The following LONRF2 variants were observed in gnomAD, a reference collection of about 807,000 sequenced individuals.
The protein encoded by LONRF2 is LON peptidase N-terminal domain and RING finger protein 2.
Under a neutral mutation model 66.6 loss-of-function variants are expected in LONRF2, and 35 were observed. The observed-to-expected ratio is 0.53, with a 90% confidence interval of 0.40 to 0.70. The LOEUF (loss-of-function observed/expected upper bound fraction) is 0.70, where lower values mean the gene tolerates loss of function less well. LONRF2 is among the 30% of genes least tolerant of loss of function. The pLI is 0.00. For missense variants in LONRF2, 902 were observed against 1,002.1 expected (o/e 0.90, Z 1.35); for synonymous variants, 417 against 418.1 (o/e 1.00, Z 0.03).
intron 1 of LONRF2, among the ~76,000 whole-genome samples, chr2:100,311,378 A>C (rs548839494): frequency 6.6e-6 from 1 of 152,108 alleles, no homozygotes; most frequent in Non-Finnish European, 1.5e-5. Context: ...TTTGGAAAAA[A>C]AAAATGTGCT....
At chr2:100,313,427 G>A (rs1675446612) in intron 1 of LONRF2, among the ~76,000 whole-genome samples, 1 of 152,142 alleles carries the variant, frequency 6.6e-6, no homozygotes, top group African/African-American at 2.4e-5. Context: ...CCTGGGAGGT[G>A]GAGGTTGCAG....
At position 100,287,074 on chromosome 2, in the gene LONRF2, A is replaced by T; in HGVS notation, c.1921-11T>A. 1.9e-6 allele frequency: 3 copies of T among 1,612,910 alleles called. No individual in the cohort carries two copies. The highest frequency in any genetic ancestry group is 2.5e-6 in the Non-Finnish European group (3 of 1,179,444). ...CTCTGGACCCTCCACCTGATCAGGG[A>T]AAGAGGCACAGCTGTGTGAACCATT... On this transcript the variant is annotated splice_polypyrimidine_tract_variant and intron_variant, in intron 10 of 11. Coordinates refer to ENST00000393437, the MANE Select transcript of LONRF2 (RefSeq NM_198461.4).
chr2:100,309,113 C>A lies in LONRF2; in HGVS notation c.792G>T (p.Leu264Phe), dbSNP rs777040770. The A allele has an allele frequency of 7.6e-6, 12 of 1,574,588 alleles. No homozygotes were observed. Among genetic ancestry groups the A allele is most frequent in the Non-Finnish European group, 1.0e-5 (12 of 1,161,970 alleles). Residue 264 changes from leucine (L) to phenylalanine (F), a missense_variant, in exon 2 of 12, where the codon TTG becomes TTT. Physicochemically the swap from Leu to Phe is conservative, Grantham distance 22 (BLOSUM62 0). Coordinates refer to ENST00000393437, the MANE Select transcript of LONRF2 (RefSeq NM_198461.4). ...AGCTAACAAATACAAATACCTTAAT[C>A]AAGAGAGGTTCATTCTGACAAGCTG... ...ASAACQNEPL[L>F]IKGHQVKAQA...
chr2:100,292,919 T>C lies in LONRF2; in HGVS notation c.1757+1310A>G, dbSNP rs139161568. On this transcript the variant is annotated intron_variant, in intron 9 of 11. Transcript: ENST00000393437. Reference sequence around the variant, plus strand: ...CACTAATTTTCTGGGCACCCTTTACTGAGTAGTTTGTCTTTTCTCATACAA... The same window carrying C: ...CACTAATTTTCTGGGCACCCTTTACCGAGTAGTTTGTCTTTTCTCATACAA... Among the ~76,000 whole-genome samples, 18 of 152,350 alleles carry C rather than the reference T, an allele frequency of 1.2e-4. No individual in the cohort carries two copies. In the East Asian group the frequency reaches 2.7e-3, roughly 23 times the overall value.
chr2:100,295,626 T>A (rs1444737729), intron 7 of LONRF2, 73 bp from the exon 8 acceptor site: 19 of 1,482,454 alleles, frequency 1.3e-5, no homozygotes, highest in Non-Finnish European at 1.7e-5. Flanking sequence ...AGTGGAAAGG[T>A]GAACAAGGAG....
At chr2:100,308,196 T>C (rs1675335336) in intron 2 of LONRF2, among the ~76,000 whole-genome samples, 1 of 148,780 alleles carries the variant, frequency 6.7e-6, no homozygotes, top group Non-Finnish European at 1.5e-5. Context: ...AGTGAAACCC[T>C]GTCTCTACTA....
rs915453776 is a variant in LONRF2 at position 100,275,412 on chromosome 2, G to A, written c.*8886C>T. On this transcript the variant is annotated 3_prime_UTR_variant, in exon 12 of 12. Coordinates refer to ENST00000393437, the MANE Select transcript of LONRF2 (RefSeq NM_198461.4). ...AGTCAGTGGTGGGCTGCTCACCTGAGGGGCCCTCCCCCAGCATCCAGTGAG... is the reference window on the plus strand; with the variant it reads ...AGTCAGTGGTGGGCTGCTCACCTGAAGGGCCCTCCCCCAGCATCCAGTGAG... 36 of 152,392 alleles carry A rather than the reference G, an allele frequency of 2.4e-4. No individual in the cohort carries two copies. Among genetic ancestry groups the A allele is most frequent in the African/African-American group, 8.7e-4 (36 of 41,578 alleles). 9.4% of individuals were successfully genotyped at this position (152,392 alleles called of 1,614,324 possible).
At chr2:100,295,157 CT>C (rs1675038593) in intron 8 of LONRF2, among the ~76,000 whole-genome samples, 1 of 152,010 alleles carries the variant, frequency 6.6e-6, no homozygotes, top group Non-Finnish European at 1.5e-5. Context: ...GCCTTCTTTG[CT>C]TTTTAAATCC....
At chr2:100,292,858 G>A (rs766823838) in intron 9 of LONRF2, among the ~76,000 whole-genome samples, 10 of 152,032 alleles carry the variant, frequency 6.6e-5, no homozygotes, top group Non-Finnish European at 1.2e-4. Flanking sequence ...TATGGCATAA[G>A]GTAAAGCTTT....
intron 1 of LONRF2, among the ~76,000 whole-genome samples, chr2:100,316,754 A>G (rs1442066026): frequency 6.6e-6 from 1 of 152,182 alleles, no homozygotes; most frequent in African/African-American, 2.4e-5. Context: ...TTATTTTGCA[A>G]TCCTTACTTT....
At position 100,272,224 on chromosome 2, in the gene LONRF2, G is replaced by A. The variant is rs940979741; in HGVS notation, c.*12074C>T. Among the ~76,000 whole-genome samples, 2 of 152,212 alleles carry A rather than the reference G, an allele frequency of 1.3e-5. No homozygotes were observed. The highest frequency in any genetic ancestry group is 2.9e-5 in the Non-Finnish European group (2 of 68,044). The stretch of plus-strand genomic sequence containing the variant: ...ATGATCAAAGAGTATGCAGGGTTAG[G>A]TGCAGTGGCTTATGCCTGCAATCTC... On this transcript the variant is annotated 3_prime_UTR_variant, in exon 12 of 12. Coordinates refer to ENST00000393437, the MANE Select transcript of LONRF2 (RefSeq NM_198461.4).
rs1674645946 is a variant in LONRF2, at chr2:100,278,577, A to C, written c.*5721T>G. The C allele has an allele frequency of 6.6e-6, 1 of 152,192 alleles. No individual in the cohort carries two copies. The highest frequency in any genetic ancestry group is 6.5e-5 in the Admixed American group (1 of 15,284). The allele number at this position is 152,192 out of a possible 1,614,324, so 9.4% of individuals were successfully genotyped here. ...GGGGGCTTTCGCTGGTTTATGATCC[A>C]GAGACCCAGACCCTCCAGGTAAGCC... On this transcript the variant is annotated 3_prime_UTR_variant, in exon 12 of 12. Coordinates refer to ENST00000393437, the MANE Select transcript of LONRF2 (RefSeq NM_198461.4).
At position 100,272,706 on chromosome 2, in the gene LONRF2, A is replaced by G. The variant is rs1674525167; in HGVS notation, c.*11592T>C. Among the ~76,000 whole-genome samples the G allele has an allele frequency of 1.3e-5, 2 of 152,174 alleles. No individual in the cohort carries two copies. Among genetic ancestry groups the G allele is most frequent in the Admixed American group, 1.3e-4 (2 of 15,286 alleles). ...CAAATAAATATATGCTTTCATAGTT[A>G]ACTCAGTATTTGCAATTCATATTCC... On this transcript the variant is annotated 3_prime_UTR_variant, in exon 12 of 12. Coordinates refer to ENST00000393437, the MANE Select transcript of LONRF2 (RefSeq NM_198461.4).
intron 8 of LONRF2, among the ~76,000 whole-genome samples, chr2:100,295,036 G>C (rs1015536045): frequency 2.0e-5 from 3 of 150,888 alleles, no homozygotes; most frequent in African/African-American, 7.3e-5. Context: ...TTAATATAGA[G>C]GTGGGGTCTT....
rs1364853772 is a variant in LONRF2 at position 100,287,276 on chromosome 2, C to T, written c.1921-213G>A. On this transcript the variant is annotated intron_variant, in intron 10 of 11. Transcript: ENST00000393437. Reference sequence around the variant, plus strand: ...TGTATCCTGATTTTTCTCTTAATACCATAATATAAGCACATTTCCTGTAAT... The same window carrying T: ...TGTATCCTGATTTTTCTCTTAATACTATAATATAAGCACATTTCCTGTAAT... Among the ~76,000 whole-genome samples, 3 of 152,064 alleles carry T rather than the reference C, an allele frequency of 2.0e-5. 1 individual carries two copies. Among genetic ancestry groups the T allele is most frequent in the Non-Finnish European group, 4.4e-5 (3 of 68,016 alleles).
chr2:100,298,779 G>T, intron 7 of LONRF2, 57 bp downstream of exon 7: 1 of 1,283,972 alleles, frequency 7.8e-7, no homozygotes, highest in Non-Finnish European at 1.1e-6. Context: ...CAGGGAGTAA[G>T]CGTCCACCAA....
chr2:100,311,231 T>A (rs1403847087), intron 1 of LONRF2, among the ~76,000 whole-genome samples: 2 of 152,150 alleles, frequency 1.3e-5, no homozygotes, highest in Non-Finnish European at 2.9e-5. Flanking sequence ...AATCACACAG[T>A]TAAATGCATT....
intron 2 of LONRF2, among the ~76,000 whole-genome samples, chr2:100,304,774 C>A (rs558094416): frequency 1.3e-5 from 2 of 150,162 alleles, no homozygotes; most frequent in Non-Finnish European, 3.0e-5. Context: ...CAGGCGCCTG[C>A]CACCATGCCT....
chr2:100,284,584 G>A, intron 11 of LONRF2, 92 bp from the exon 12 acceptor site: 1 of 1,084,700 alleles, frequency 9.2e-7, no homozygotes, highest in Non-Finnish European at 1.3e-6. Flanking sequence ...AGACACGTGA[G>A]CAAGAATTAA....
Sources: allele counts gnomAD v4.1 joint callset (sites outside exome capture counted in the v4.1 genomes callset), GRCh38; gene constraint gnomAD v4.1.1; transcripts MANE v1.5; gene names NCBI Gene and HGNC (gene_info 2026-07-23, HGNC 2026-07-21).